The following SEC24C variants were observed in gnomAD, a reference collection of about 807,000 sequenced individuals.
SEC24C encodes SEC24 homolog C, COPII component.
A neutral mutation model predicts 117.0 loss-of-function variants in SEC24C; 22 were observed. That is an observed-to-expected ratio of 0.19 (90% confidence interval 0.13 to 0.27). The LOEUF is 0.27. Ranked by LOEUF, SEC24C falls within the 10% of genes least tolerant of loss-of-function variation. SEC24C has a pLI of 1.00. For missense variants in SEC24C, 1,155 were observed against 1,375.1 expected (o/e 0.84, Z 2.53); for synonymous variants, 506 against 529.4 (o/e 0.96, Z 0.61).
intron 6 of SEC24C, among the ~76,000 whole-genome samples, chr10:73,761,623 C>G (rs1349563704): frequency 2.0e-5 from 3 of 152,158 alleles, no homozygotes; most frequent in Admixed American, 6.5e-5. Context: ...TTTGGGTAAC[C>G]AACACAGTGA....
At position 73,762,326 on chromosome 10, in the gene SEC24C, A is replaced by T. The variant is rs556071637; in HGVS notation, c.988-1164A>T. ...ATACTCACTTATACAAGATAAAAGG[A>T]TATGCATGCCTCAAGTCACCAGGTA... is the stretch of plus-strand genomic sequence containing the variant. On this transcript the variant is annotated intron_variant, in intron 6 of 22. Coordinates refer to ENST00000345254, the MANE Select transcript of SEC24C (RefSeq NM_198597.3). Among the ~76,000 whole-genome samples the T allele has an allele frequency of 1.8e-4, 27 of 152,202 alleles. 1 individual carries two copies. Among genetic ancestry groups the T allele is most frequent in the Admixed American group, 1.6e-3 (24 of 15,286 alleles).
chr10:73,769,235 A>C lies in SEC24C; in HGVS notation c.2424+83A>C, dbSNP rs759946964. 8.6e-5 allele frequency: 137 copies of C among 1,590,190 alleles called. No homozygotes were observed. The highest frequency in any genetic ancestry group is 5.0e-4 in the Middle Eastern group (3 of 6,022). The stretch of plus-strand genomic sequence containing the variant: ...GGGTGAGGAATGGGTAGAGAGCACT[A>C]AAAGAAGAGACAGGGCACGGGAGTG... On this transcript the variant is annotated intron_variant, in intron 17 of 22. Coordinates refer to ENST00000345254, the MANE Select transcript of SEC24C (RefSeq NM_198597.3). The surrounding 1 kb of genome is among the most constrained non-coding windows in gnomAD (Gnocchi z 4.5).
At position 73,768,834 on chromosome 10, in the gene SEC24C, C is replaced by G; in HGVS notation, c.2206C>G (p.Leu736Val). ...FQVENDQERF[L>V]SDLRRDVQKV... is the part of the protein sequence containing the mutation. ...GGTGGAGAACGACCAGGAGCGGTTC[C>G]TGAGTGACCTGCGTCGTGATGTCCA... Residue 736 changes from leucine (L) to valine (V), a missense_variant, in exon 16 of 23, where the codon CTG (leucine) becomes GTG (valine). Leu to Val is a conservative substitution (Grantham distance 32, BLOSUM62 1). Transcript: ENST00000345254. 1.2e-6 allele frequency: 2 copies of G among 1,613,732 alleles called. No homozygotes were observed. The highest frequency in any genetic ancestry group is 1.7e-6 in the Non-Finnish European group (2 of 1,180,034).
intron 2 of SEC24C, among the ~76,000 whole-genome samples, chr10:73,749,759 G>A (rs994918107): frequency 2.0e-5 from 3 of 152,100 alleles, no homozygotes; most frequent in African/African-American, 4.8e-5. Context: ...GGCCAGGCTG[G>A]TCTCGAACTC....
intron 4 of SEC24C, 103 bp downstream of exon 4, chr10:73,759,897 C>T: frequency 6.7e-7 from 1 of 1,482,670 alleles, no homozygotes; most frequent in Admixed American, 2.3e-5. Flanking sequence ...TTTCCTGTGC[C>T]TCTGAGCCTC....
In SEC24C at chr10:73,769,616, A is replaced by G. The variant is rs187428792; in HGVS notation, c.2565A>G (p.Ala855=). The change falls in exon 19 of 23, where the codon GCA becomes GCG. Residue 855 remains alanine (A), a splice_region_variant and synonymous_variant. Transcript: ENST00000345254. The surrounding 1 kb of genome is among the most constrained non-coding windows in gnomAD (Gnocchi z 4.5). ...GACTATCTTTGCTTTCCCATCCAGC[A>G]TATCGGGGAGTCCTGAATAGCCCTG... ...DTLINYMAKF[A]YRGVLNSPVK... is the part of the protein sequence containing the mutation. 455 of 1,614,056 alleles carry G rather than the reference A, an allele frequency of 2.8e-4. No homozygotes were observed. The highest frequency in any genetic ancestry group is 2.8e-3 in the Admixed American group (166 of 60,014).
chr10:73,748,000 C>T (rs940192215), intron 2 of SEC24C, among the ~76,000 whole-genome samples: 5 of 151,914 alleles, frequency 3.3e-5, no homozygotes, highest in Admixed American at 6.6e-5. Flanking sequence ...TACCAGTGGC[C>T]AGGAAGGTCT....
chr10:73,768,665 CTAT>C, intron 15 of SEC24C, 142 bp from the exon 16 acceptor site: 1 of 734,336 alleles, frequency 1.4e-6, no homozygotes, highest in Non-Finnish European at 2.4e-6. Context: ...TGTTTAAAAG[CTAT>C]TATTGTCATC....
At position 73,768,803 on chromosome 10, in the gene SEC24C, C is replaced by T. The variant is rs750998281; in HGVS notation, c.2182-7C>T. The T allele has an allele frequency of 1.5e-5, 24 of 1,612,574 alleles. No individual in the cohort carries two copies. The highest frequency in any genetic ancestry group is 3.3e-5 in the Admixed American group (2 of 59,990). ...AGTGACATGACTCTGGACCTGGGGG[C>T]CTGCAGGTGGAGAACGACCAGGAGC... On this transcript the variant is annotated splice_region_variant and splice_polypyrimidine_tract_variant and intron_variant, in intron 15 of 22. Transcript: ENST00000345254.
chr10:73,763,493 C>A lies in SEC24C; in HGVS notation c.991C>A (p.Gln331Lys). The part of the protein sequence containing the change: ...LDPDAIPSPI[Q>K]VIEDDRNNRG... ...CATTCATTGCACTTCTCTGCAGATT[C>A]AGGTCATTGAAGATGACAGGAACAA... is the stretch of plus-strand genomic sequence containing the variant. The change falls in exon 7 of 23, where the codon CAG becomes AAG. Residue 331 changes from glutamine to lysine, a missense_variant. By Grantham distance (53) the Gln-to-Lys change is moderately conservative. Around this residue, in one of 2 missense-constraint regions of SEC24C, gnomAD observed 759 missense variants for 992.3 expected, o/e 0.76. Transcript: ENST00000345254. 1 of 1,602,822 alleles carries A rather than the reference C, an allele frequency of 6.2e-7. No individual in the cohort carries two copies. Among genetic ancestry groups the A allele is most frequent in the Non-Finnish European group, 8.5e-7 (1 of 1,170,212 alleles).
intron 3 of SEC24C, among the ~76,000 whole-genome samples, chr10:73,756,606 T>A (rs948335293): frequency 2.8e-4 from 41 of 145,968 alleles, no homozygotes; most frequent in Admixed American, 2.2e-3. Flanking sequence ...TCAGTAATAT[T>A]TTTTTTTTTT....
chr10:73,765,966 C>T (rs2082876208), intron 10 of SEC24C, 51 bp downstream of exon 10: 1 of 1,582,618 alleles, frequency 6.3e-7, no homozygotes, highest in Non-Finnish European at 8.7e-7. Context: ...AATGAGACAG[C>T]TGAGAATGGC....
chr10:73,762,063 T>C (rs2082805669), intron 6 of SEC24C: 2 of 1,272,234 alleles, frequency 1.6e-6, no homozygotes, highest in South Asian at 2.5e-5. Context: ...CCTCCTTGTA[T>C]TCCCCTGCTG....
intron 3 of SEC24C, among the ~76,000 whole-genome samples, chr10:73,758,626 A>G (rs775351591): frequency 2.0e-5 from 3 of 152,184 alleles, no homozygotes; most frequent in African/African-American, 7.2e-5. Flanking sequence ...AGATTTCCCT[A>G]TTCTGGACTT....
Position 73,760,314 on chromosome 10 carries a change from A to G in SEC24C, c.778A>G (p.Met260Val), listed in dbSNP as rs761495862. 6.2e-7 allele frequency: 1 copy of G among 1,612,992 alleles called. No homozygotes were observed. The highest frequency in any genetic ancestry group is 1.1e-5 in the South Asian group (1 of 91,082). Reference sequence around the variant, plus strand: ...TCAAGCTCTGCCCCCTGGCACCCAGATGACTGGGCCCCTGGGACCACTGCC... The same window carrying G: ...TCAAGCTCTGCCCCCTGGCACCCAGGTGACTGGGCCCCTGGGACCACTGCC... ...PPQALPPGTQ[M>V]TGPLGPLPPM... Residue 260 changes from methionine (M) to valine (V), a missense_variant, in exon 5 of 23, where the codon ATG becomes GTG. Met to Val is a conservative substitution (Grantham distance 21). This residue lies in a region of SEC24C where 396 missense variants were observed against 382.8 expected (regional missense o/e 1.03). Transcript: ENST00000345254.
chr10:73,761,977 G>A (rs901050917), intron 6 of SEC24C: 1 of 562,276 alleles, frequency 1.8e-6, no homozygotes, highest in Non-Finnish European at 3.0e-6. Context: ...TCAGCAATAT[G>A]AGCTGGGCTC....
Position 73,759,634 on chromosome 10 carries a change from T to G in SEC24C, c.321T>G (p.Ser107=). The change falls in exon 4 of 23, where the codon TCT becomes TCG. Residue 107 remains serine, a synonymous_variant. Coordinates refer to ENST00000345254, the MANE Select transcript of SEC24C (RefSeq NM_198597.3). The part of the protein sequence containing the change: ...STVQMQRLPG[S]QPFGSPLAPV... ...TTTCTTTTCACAGGCTGCCTGGGTC[T>G]CAGCCATTTGGGTCCCCATTGGCCC... 1.3e-6 allele frequency: 2 copies of G among 1,529,098 alleles called. No homozygotes were observed. The highest frequency in any genetic ancestry group is 1.8e-6 in the Non-Finnish European group (2 of 1,139,678). 94.7% of individuals were successfully genotyped at this position (1,529,098 alleles called of 1,614,324 possible).
intron 3 of SEC24C, among the ~76,000 whole-genome samples, chr10:73,754,320 C>G (rs1466522744): frequency 1.3e-5 from 2 of 152,082 alleles, no homozygotes; most frequent in Admixed American, 1.3e-4. Context: ...GAGGCTGAGG[C>G]AGGAGAATCG....
At chr10:73,767,672 A>G (rs2082905704) in intron 14 of SEC24C, among the ~76,000 whole-genome samples, 165 bp from the exon 15 acceptor site, 1 of 152,220 alleles carries the variant, frequency 6.6e-6, no homozygotes, top group Non-Finnish European at 1.5e-5. Context: ...TGTCTCAAAA[A>G]AATAAAAATA....
Sources: gnomAD v4.1 joint callset for allele counts (sites outside exome capture counted in the v4.1 genomes callset) on GRCh38, gnomAD v4.1.1 for gene constraint, gnomAD v4.1.1 regional missense constraint, Gnocchi (gnomAD v3.1) non-coding constraint, MANE v1.5 for transcripts, NCBI Gene and HGNC (gene_info 2026-07-23, HGNC 2026-07-21) for gene names.